MED12L: variants seen among roughly 807,000 people sequenced by gnomAD.
The protein encoded by MED12L is mediator complex subunit 12L.
A neutral mutation model predicts 281.3 loss-of-function variants in MED12L; 60 were observed. That is an observed-to-expected ratio of 0.21 (90% CI 0.17 to 0.26). The LOEUF (loss-of-function observed/expected upper bound fraction) is 0.26. Among genes scored for constraint, MED12L ranks in the 10% least tolerant of loss-of-function variants. The pLI is 1.00. For synonymous variants in MED12L, 974 were observed against 987.2 expected (o/e 0.99, Z 0.25); for missense variants, 2,146 against 2,680.9 (o/e 0.80, Z 4.41).
intron 16 of MED12L, among the ~76,000 whole-genome samples, chr3:151,289,802 T>G (rs77772060): frequency 0.024 from 3,585 of 152,278 alleles, 55 homozygotes; most frequent in Middle Eastern, 0.044. Context: ...ATAGGCTGAT[T>G]AAATCAGATG....
At chr3:151,316,510 G>A (rs1288058472) in intron 16 of MED12L, 1 of 152,188 alleles carries the variant, frequency 6.6e-6, no homozygotes, top group Non-Finnish European at 1.5e-5. Context: ...TTAAGCAGAA[G>A]TATAATTACA....
intron 16 of MED12L, among the ~76,000 whole-genome samples, chr3:151,345,853 A>C (rs751468978): frequency 3.3e-5 from 5 of 152,060 alleles, no homozygotes; most frequent in Non-Finnish European, 7.4e-5. Flanking sequence ...GATGTAAACA[A>C]ATCTTGTAGG....
At chr3:151,325,402 A>G (rs1040853547) in intron 16 of MED12L, among the ~76,000 whole-genome samples, 2 of 152,180 alleles carry the variant, frequency 1.3e-5, no homozygotes, top group African/African-American at 2.4e-5. Context: ...CACATATTCT[A>G]TCAGTCCAAA....
chr3:151,109,924 G>T (rs1711605030), intron 2 of MED12L, among the ~76,000 whole-genome samples: 1 of 152,170 alleles, frequency 6.6e-6, no homozygotes, highest in Non-Finnish European at 1.5e-5. Context: ...ACTAACTGTT[G>T]TGTGTGCCTC....
chr3:151,329,034 C>A lies in MED12L; in HGVS notation c.2251-21025C>A, dbSNP rs958243867. 6.8e-7 allele frequency: 1 copy of A among 1,476,126 alleles called. No individual in the cohort carries two copies. The highest frequency in any genetic ancestry group is 9.1e-7 in the Non-Finnish European group (1 of 1,097,676). 91.4% of individuals were successfully genotyped at this position (1,476,126 alleles called of 1,614,324 possible). The stretch of plus-strand genomic sequence containing the variant: ...TGTTACCAATAAACATATATACAAA[C>A]AAAAGAAAACAAAAAGCCCTTCATG... On this transcript the variant is annotated intron_variant, in intron 16 of 44. Coordinates refer to ENST00000687756, the MANE Select transcript of MED12L (RefSeq NM_001393769.1).
intron 30 of MED12L, 72 bp downstream of exon 30, chr3:151,377,250 G>A: frequency 7.8e-7 from 1 of 1,275,288 alleles, no homozygotes; most frequent in Non-Finnish European, 1.1e-6. Flanking sequence ...GTGTAGCACA[G>A]TGATTTTTCT....
In MED12L at chr3:151,434,890, A is replaced by ATATC. The variant is rs1553825294; in HGVS notation, c.*2088_*2091dup. On this transcript the variant is annotated 3_prime_UTR_variant, in exon 45 of 45. Transcript: ENST00000687756. Reference sequence around the variant, plus strand: ...ATTTTGCACATGAAAGCTGTGGGGCATATCTTTTTTCTTTTTTTAGGTGAG... The same window carrying ATATC: ...ATTTTGCACATGAAAGCTGTGGGGCATATCTATCTTTTTTCTTTTTTTAGGTGAG... 6.6e-6 allele frequency: 1 copy of ATATC among 152,182 alleles called. No individual in the cohort carries two copies. The highest frequency in any genetic ancestry group is 1.9e-4 in the East Asian group (1 of 5,196). The allele number at this position is 152,182 out of a possible 1,614,324, so 9.4% of individuals were successfully genotyped here. A position where few individuals can be genotyped will look rare whatever the true frequency, so the allele number is the denominator to read the frequency against.
intron 39 of MED12L, among the ~76,000 whole-genome samples, chr3:151,401,521 T>C (rs1456186480): frequency 6.6e-6 from 1 of 152,208 alleles, no homozygotes; most frequent in Non-Finnish European, 1.5e-5. Context: ...TATTATGACA[T>C]CTTAATTTGC....
intron 31 of MED12L, 68 bp from the exon 32 acceptor site, chr3:151,380,045 G>T (rs1414384619): frequency 3.1e-6 from 3 of 983,314 alleles, no homozygotes; most frequent in East Asian, 2.7e-5. Context: ...GCAAAGAAAT[G>T]AATGTTGCCA....
chr3:151,158,815 C>T lies in MED12L; in HGVS notation c.837+16C>T. The T allele has an allele frequency of 6.5e-7, 1 of 1,547,110 alleles. No individual in the cohort carries two copies. Among genetic ancestry groups the T allele is most frequent in the Middle Eastern group, 1.7e-4 (1 of 5,946 alleles). On this transcript the variant is annotated intron_variant, in intron 7 of 44. Coordinates refer to ENST00000687756, the MANE Select transcript of MED12L (RefSeq NM_001393769.1). ...AATGCTGCAGGTATAGTACATGTCC[C>T]CTTGAGGCAGTTGGTTTTATGGGCA... is the stretch of plus-strand genomic sequence containing the variant.
At chr3:151,202,905 G>C (rs1725832274) in intron 16 of MED12L, among the ~76,000 whole-genome samples, 1 of 152,132 alleles carries the variant, frequency 6.6e-6, no homozygotes, top group Non-Finnish European at 1.5e-5. Flanking sequence ...CTGTCTTTTG[G>C]AGACAGATGA....
intron 36 of MED12L, among the ~76,000 whole-genome samples, chr3:151,385,898 A>C (rs1713263917): frequency 6.6e-6 from 1 of 152,162 alleles, no homozygotes; most frequent in Non-Finnish European, 1.5e-5. Flanking sequence ...AATGAACAGT[A>C]AGCAACCACC....
intron 11 of MED12L, among the ~76,000 whole-genome samples, chr3:151,168,105 G>GT (rs947441647): frequency 3.9e-5 from 6 of 152,014 alleles, no homozygotes; most frequent in Non-Finnish European, 5.9e-5. Flanking sequence ...AAATAGGGGT[G>GT]TTTTTTCAAA....
intron 17 of MED12L, 48 bp downstream of exon 17, chr3:151,350,254 C>G (rs376122367): frequency 1.6e-5 from 26 of 1,586,922 alleles, no homozygotes; most frequent in Non-Finnish European, 2.2e-5. Context: ...CTTTTGCCTT[C>G]CCTCTGAGCA....
intron 2 of MED12L, among the ~76,000 whole-genome samples, chr3:151,090,811 G>A (rs373001387): frequency 1.8e-4 from 28 of 152,128 alleles, no homozygotes; most frequent in Non-Finnish European, 3.4e-4. Flanking sequence ...AGGCCGAGGC[G>A]GGTGGATCAC....
intron 16 of MED12L, chr3:151,338,261 T>G (rs1751301638): frequency 1.2e-6 from 2 of 1,614,012 alleles, no homozygotes; most frequent in Non-Finnish European, 8.5e-7. Flanking sequence ...AGAAAATGAC[T>G]TGACAGATGT....
intron 17 of MED12L, among the ~76,000 whole-genome samples, chr3:151,354,312 A>G (rs1008469371): frequency 2.6e-5 from 4 of 152,286 alleles, no homozygotes; most frequent in East Asian, 1.9e-4. Flanking sequence ...ACAGTTAAGA[A>G]GAGTACCCCT....
At chr3:151,184,360 C>T (rs1446996460) in intron 11 of MED12L, among the ~76,000 whole-genome samples, 3 of 152,194 alleles carry the variant, frequency 2.0e-5, no homozygotes, top group Non-Finnish European at 4.4e-5. Context: ...GGCGTGTGCT[C>T]ATAGCCATAT....
chr3:151,409,202 T>C (rs751857801), intron 39 of MED12L, 41 bp from the exon 40 acceptor site: 2 of 1,497,498 alleles, frequency 1.3e-6, no homozygotes, highest in East Asian at 4.6e-5. Context: ...ATCAAGCCCT[T>C]GCTGTTATGA....
Sources: gnomAD v4.1 joint callset for allele counts (sites outside exome capture counted in the v4.1 genomes callset) on GRCh38, gnomAD v4.1.1 for gene constraint, MANE v1.5 for transcripts, NCBI Gene and HGNC (gene_info 2026-07-23, HGNC 2026-07-21) for gene names.